The following COQ8B variants were observed in gnomAD, a reference collection of about 807,000 sequenced individuals.
COQ8B encodes the protein atypical kinase COQ8B, mitochondrial.
Under a neutral mutation model 62.0 loss-of-function variants are expected in COQ8B, and 44 were observed. The ratio of observed to expected loss-of-function variants is 0.71; its 90% CI spans 0.56 to 0.91. COQ8B has a LOEUF of 0.91. Among genes scored for constraint, COQ8B ranks in the 40% least tolerant of loss-of-function variants. The pLI is 0.00. For missense variants in COQ8B, 649 were observed against 731.6 expected (o/e 0.89, Z 1.30); for synonymous variants, 252 against 289.9 (o/e 0.87, Z 1.33).
At chr19:40,709,851 A>G (rs547252820) in intron 5 of COQ8B, among the ~76,000 whole-genome samples, 12 of 152,298 alleles carry the variant, frequency 7.9e-5, no homozygotes, top group African/African-American at 2.9e-4. Flanking sequence ...CAAATTAAAA[A>G]AAAAAAATCT....
chr19:40,706,005 A>G (rs974095439), intron 5 of COQ8B, among the ~76,000 whole-genome samples: 3 of 152,158 alleles, frequency 2.0e-5, no homozygotes, highest in Non-Finnish European at 2.9e-5. Flanking sequence ...AGAGTCAAAG[A>G]GTAACTACTA....
chr19:40,695,760 G>C (rs539811574), intron 13 of COQ8B, among the ~76,000 whole-genome samples: 1 of 152,162 alleles, frequency 6.6e-6, no homozygotes, highest in East Asian at 1.9e-4. Context: ...GCCTAAAAAC[G>C]GTCCTTTTCG....
intron 12 of COQ8B, among the ~76,000 whole-genome samples, chr19:40,696,972 C>T (rs903257727): frequency 2.6e-5 from 4 of 152,236 alleles, no homozygotes; most frequent in Non-Finnish European, 5.9e-5. Flanking sequence ...CCAGCTCAGT[C>T]ACTCATTTCA....
intron 13 of COQ8B, among the ~76,000 whole-genome samples, chr19:40,695,034 T>C (rs1303886121): frequency 6.6e-6 from 1 of 152,136 alleles, no homozygotes; most frequent in Non-Finnish European, 1.5e-5. Flanking sequence ...AACATTTAGA[T>C]TGGCTGGGCA....
intron 1 of COQ8B, chr19:40,715,368 T>A (rs2082178079): frequency 1.0e-6 from 1 of 985,530 alleles, no homozygotes; most frequent in Non-Finnish European, 1.2e-6. Flanking sequence ...TTCCCTACAC[T>A]TTCTTGCAAA....
intron 11 of COQ8B, 60 bp downstream of exon 11, chr19:40,700,250 T>G (rs2082050778): frequency 6.2e-7 from 1 of 1,611,490 alleles, no homozygotes; most frequent in Non-Finnish European, 8.5e-7. Context: ...AGAGAGACCA[T>G]GAGCCTGGCC....
rs1250016316 is a variant in COQ8B, at chr19:40,703,785, G to A, written c.647C>T (p.Ala216Val). 3 of 1,613,912 alleles carry A rather than the reference G, an allele frequency of 1.9e-6. No individual in the cohort carries two copies. Among genetic ancestry groups the A allele is most frequent in the Admixed American group, 3.3e-5 (2 of 60,004 alleles). Residue 216 changes from alanine to valine, a missense_variant, in exon 8 of 15, where the codon GCC becomes GTC. Physicochemically the swap from Ala to Val is moderately conservative, Grantham distance 64 (BLOSUM62 0). Coordinates refer to ENST00000324464, the MANE Select transcript of COQ8B (RefSeq NM_024876.4). ...KVASLEEVPF[A>V]AASIGQVHQG... ...GTGCACCTGCCCAATTGAGGCAGCG[G>A]CAAAGGGCACCTCCTCCAAGGAGGC...
intron 12 of COQ8B, among the ~76,000 whole-genome samples, chr19:40,696,734 C>A (rs1035896089): frequency 3.3e-5 from 5 of 152,004 alleles, no homozygotes; most frequent in African/African-American, 1.2e-4. Flanking sequence ...ACACCTCCCC[C>A]AGGTCCCCAG....
intron 12 of COQ8B, 114 bp from the exon 13 acceptor site, chr19:40,696,168 TCC>T: frequency 2.5e-6 from 3 of 1,197,476 alleles, no homozygotes; most frequent in Non-Finnish European, 3.7e-6. Flanking sequence ...CCTGCCAGAG[TCC>T]CTGCCTGGCT....
chr19:40,714,684 TG>T, intron 1 of COQ8B, 49 bp from the exon 2 acceptor site: 1 of 1,485,978 alleles, frequency 6.7e-7, no homozygotes, highest in Non-Finnish European at 9.1e-7. Flanking sequence ...CCTGGCTTCT[TG>T]GCCAGGCCCC....
chr19:40,712,334 G>A (rs2082148203), intron 4 of COQ8B, among the ~76,000 whole-genome samples: 1 of 151,428 alleles, frequency 6.6e-6, no homozygotes, highest in Admixed American at 6.6e-5. Flanking sequence ...TGGCACTTTA[G>A]GAGGCCAAGG....
rs772289112 is a variant in COQ8B, at chr19:40,703,742, G to A, written c.690C>T (p.Asp230=). Residue 230 remains aspartate, a synonymous_variant, in exon 8 of 15, where the codon GAC becomes GAT. Coordinates refer to ENST00000324464, the MANE Select transcript of COQ8B (RefSeq NM_024876.4). ...IGQVHQGLLR[D]GTEVAVKIQY... ...GGATCTTCACGGCCACCTCCGTCCC[G>A]TCCCTCAGCAGGCCCTGGTGCACCT... 27 of 1,613,930 alleles carry A rather than the reference G, an allele frequency of 1.7e-5. 1 individual carries two copies. Among genetic ancestry groups the A allele is most frequent in the East Asian group, 1.3e-4 (6 of 44,894 alleles).
chr19:40,700,674 A>G, intron 10 of COQ8B: 3 of 545,766 alleles, frequency 5.5e-6, no homozygotes, highest in Admixed American at 3.2e-5. Flanking sequence ...CTGCCTCTCA[A>G]CTGGGTGCTG....
Position 40,700,085 on chromosome 19 carries a change from A to C in COQ8B, c.1125T>G (p.Tyr375Ter), listed in dbSNP as rs78185540. Residue 375 changes from tyrosine (Y) to a stop codon, truncating the protein, a stop_gained, in exon 12 of 15, where the codon TAT becomes TAG. Coordinates refer to ENST00000324464, the MANE Select transcript of COQ8B (RefSeq NM_024876.4). LOFTEE classifies it high-confidence loss of function. ...QTDPNWANFL[Y>*]DASSHQVTLL... Reference sequence around the variant, plus strand: ...AACCAACCTGGTGGCTGGAGGCATCATACAGGAAGTTGGCCCAGTTGGGGT... The same window carrying C: ...AACCAACCTGGTGGCTGGAGGCATCCTACAGGAAGTTGGCCCAGTTGGGGT... 2.5e-6 allele frequency: 4 copies of C among 1,614,128 alleles called. No homozygotes were observed. The Admixed American group carries it at 5.0e-5, about 20-fold the overall frequency.
At chr19:40,692,649 C>T (rs1371973313) in intron 14 of COQ8B, among the ~76,000 whole-genome samples, 1 of 152,104 alleles carries the variant, frequency 6.6e-6, no homozygotes, top group Non-Finnish European at 1.5e-5. Flanking sequence ...GCCTTCGCCC[C>T]TCCTGAACAG....
At chr19:40,704,062 C>T in intron 7 of COQ8B, 1 of 608,388 alleles carries the variant, frequency 1.6e-6, no homozygotes, top group Non-Finnish European at 2.8e-6. Flanking sequence ...GACTGTGAGG[C>T]TCAGCCTAGC....
chr19:40,705,682 G>A (rs983221790), intron 5 of COQ8B, among the ~76,000 whole-genome samples: 4 of 152,128 alleles, frequency 2.6e-5, no homozygotes, highest in Admixed American at 1.3e-4. Context: ...GTTGGCTCGC[G>A]CCTATAATCC....
intron 5 of COQ8B, among the ~76,000 whole-genome samples, chr19:40,707,573 C>T (rs2082110280): frequency 6.6e-6 from 1 of 152,076 alleles, no homozygotes; most frequent in Non-Finnish European, 1.5e-5. Flanking sequence ...GCCTTACCCC[C>T]CACCCAAGTA....
intron 13 of COQ8B, 120 bp downstream of exon 13, chr19:40,695,869 A>G: frequency 9.7e-7 from 1 of 1,026,518 alleles, no homozygotes; most frequent in Non-Finnish European, 1.5e-6. Flanking sequence ...TGCTACGAGT[A>G]TTACTATTAT....
Sources: gnomAD v4.1 joint callset for allele counts (sites outside exome capture counted in the v4.1 genomes callset) on GRCh38, gnomAD v4.1.1 for gene constraint, MANE v1.5 for transcripts, NCBI Gene and HGNC (gene_info 2026-07-23, HGNC 2026-07-21) for gene names.